TTLL11: variants seen among roughly 807,000 people sequenced by gnomAD.
The protein encoded by TTLL11 is tubulin tyrosine ligase like 11.
A neutral mutation model predicts 51.7 loss-of-function variants in TTLL11; 42 were observed. That is an observed-to-expected ratio of 0.81 (90% confidence interval 0.64 to 1.05). The LOEUF (loss-of-function observed/expected upper bound fraction) is 1.05, where lower values mean the gene tolerates loss of function less well. Ranked by LOEUF, TTLL11 falls within the 50% of genes least tolerant of loss-of-function variation. TTLL11 has a pLI of 0.00. For synonymous variants in TTLL11, 381 were observed against 383.5 expected (o/e 0.99, Z 0.08); for missense variants, 799 against 940.4 (o/e 0.85, Z 1.97).
chr9:121,985,378 A>G (rs944879738), intron 4 of TTLL11, among the ~76,000 whole-genome samples: 2 of 152,166 alleles, frequency 1.3e-5, no homozygotes, highest in African/African-American at 4.8e-5. Flanking sequence ...TCAATGGCAG[A>G]ACCTAACCGG....
At chr9:122,011,851 G>A (rs1302110796) in intron 3 of TTLL11, among the ~76,000 whole-genome samples, 3 of 152,152 alleles carry the variant, frequency 2.0e-5, no homozygotes, top group Non-Finnish European at 2.9e-5. Context: ...AACTGTTATC[G>A]ATATATTCTA....
At chr9:121,824,729 A>T (rs142404221) in intron 8 of TTLL11, among the ~76,000 whole-genome samples, 1 of 152,290 alleles carries the variant, frequency 6.6e-6, no homozygotes, top group African/African-American at 2.4e-5. Context: ...GAAAGGTGAC[A>T]GTAAGGTTGG....
At chr9:121,912,768 G>A (rs1488977788) in intron 6 of TTLL11, among the ~76,000 whole-genome samples, 6 of 151,530 alleles carry the variant, frequency 4.0e-5, no homozygotes. Flanking sequence ...TAAGCACTTA[G>A]AATGTGATGA....
chr9:122,062,462 CTTTT>C (rs386416145), intron 1 of TTLL11, among the ~76,000 whole-genome samples: 29 of 77,696 alleles, frequency 3.7e-4, no homozygotes, highest in African/African-American at 1.6e-3. Context: ...TTATATTATG[CTTTT>C]TTTTTTTTTT....
chr9:122,058,307 G>C (rs1398395292), intron 1 of TTLL11, among the ~76,000 whole-genome samples: 1 of 152,356 alleles, frequency 6.6e-6, no homozygotes. Flanking sequence ...AGGGAGGAAA[G>C]CCTGCCCACG....
intron 1 of TTLL11, among the ~76,000 whole-genome samples, chr9:122,056,055 G>T (rs532822763): frequency 6.6e-6 from 1 of 152,334 alleles, no homozygotes; most frequent in South Asian, 2.1e-4. Flanking sequence ...CTGCAAATCT[G>T]CAAGGGGCTG....
At chr9:121,873,857 GAGAC>G (rs1838461292) in intron 6 of TTLL11, among the ~76,000 whole-genome samples, 1 of 79,042 alleles carries the variant, frequency 1.3e-5, no homozygotes, top group Middle Eastern at 9.1e-3. Context: ...TTTTTTTTGA[GAGAC>G]AGAGTCTTGC....
chr9:122,013,643 T>C (rs1393805503), intron 3 of TTLL11, among the ~76,000 whole-genome samples: 1 of 152,212 alleles, frequency 6.6e-6, no homozygotes, highest in Non-Finnish European at 1.5e-5. Flanking sequence ...AATGTGCAGA[T>C]ACAGCTTCAG....
intron 6 of TTLL11, among the ~76,000 whole-genome samples, chr9:121,917,235 G>A (rs558097392): frequency 1.3e-3 from 197 of 152,164 alleles, no homozygotes; most frequent in African/African-American, 4.5e-3. Context: ...TTGAGAGGCC[G>A]AGGTAAGAGG....
At chr9:122,021,760 T>G (rs568266720) in intron 3 of TTLL11, among the ~76,000 whole-genome samples, 2 of 151,934 alleles carry the variant, frequency 1.3e-5, no homozygotes, top group Non-Finnish European at 2.9e-5. Context: ...AACATCCAAA[T>G]AAGGTAAGAT....
At chr9:121,882,933 A>G (rs1431671428) in intron 6 of TTLL11, among the ~76,000 whole-genome samples, 1 of 152,216 alleles carries the variant, frequency 6.6e-6, no homozygotes, top group Non-Finnish European at 1.5e-5. Flanking sequence ...TGCCAGAAAT[A>G]GAATCCATTT....
intron 6 of TTLL11, among the ~76,000 whole-genome samples, chr9:121,895,872 GTGAC>G (rs1414790530): frequency 3.5e-4 from 47 of 132,984 alleles, no homozygotes; most frequent in Non-Finnish European, 6.1e-4. Context: ...GTGGGTTTGT[GTGAC>G]TGTGTGTCAT....
At chr9:121,983,457 C>G (rs191100304) in intron 4 of TTLL11, among the ~76,000 whole-genome samples, 1 of 152,108 alleles carries the variant, frequency 6.6e-6, no homozygotes, top group South Asian at 2.1e-4. Context: ...ATGGGGGCTA[C>G]GCGGGATCAT....
intron 3 of TTLL11, among the ~76,000 whole-genome samples, chr9:122,017,474 T>A (rs968400648): frequency 2.1e-5 from 3 of 145,340 alleles, no homozygotes; most frequent in Non-Finnish European, 3.0e-5. Flanking sequence ...GGGTGAGGCT[T>A]TTTTTTTTTT....
chr9:122,001,653 G>A (rs1843472565), intron 3 of TTLL11, among the ~76,000 whole-genome samples: 1 of 152,148 alleles, frequency 6.6e-6, no homozygotes, highest in African/African-American at 2.4e-5. Flanking sequence ...GGCAGAGACA[G>A]CAGTGCAGAG....
intron 6 of TTLL11, among the ~76,000 whole-genome samples, chr9:121,873,307 CT>C (rs1371629721): frequency 6.6e-6 from 1 of 151,850 alleles, no homozygotes; most frequent in Non-Finnish European, 1.5e-5. Context: ...TCTAGCTGAA[CT>C]GGAATTATAA....
At chr9:122,090,707 T>C (rs1336055412) in intron 1 of TTLL11, among the ~76,000 whole-genome samples, 1 of 152,034 alleles carries the variant, frequency 6.6e-6, no homozygotes, top group Non-Finnish European at 1.5e-5. Context: ...GGTACAGCAA[T>C]AAACAAAACA....
At chr9:121,912,636 A>G (rs1270909407) in intron 6 of TTLL11, among the ~76,000 whole-genome samples, 1 of 151,902 alleles carries the variant, frequency 6.6e-6, no homozygotes, top group Non-Finnish European at 1.5e-5. Flanking sequence ...TCAATACCCT[A>G]TTGGATCTGG....
At chr9:122,014,062 T>C (rs1843894556) in intron 3 of TTLL11, among the ~76,000 whole-genome samples, 1 of 151,994 alleles carries the variant, frequency 6.6e-6, no homozygotes, top group African/African-American at 2.4e-5. Flanking sequence ...AGTGAAAAGG[T>C]AGAGTCCTGA....
Sources: allele counts gnomAD v4.1 joint callset (sites outside exome capture counted in the v4.1 genomes callset), GRCh38; gene constraint gnomAD v4.1.1; transcripts MANE v1.5; gene names NCBI Gene and HGNC (gene_info 2026-07-23, HGNC 2026-07-21).